Variants in RPTOR observed in about 807,000 individuals in gnomAD.
RPTOR encodes regulatory-associated protein of mTOR.
A neutral mutation model predicts 169.9 loss-of-function variants in RPTOR; 21 were observed. The ratio of observed to expected loss-of-function variants is 0.12; its 90% CI spans 0.09 to 0.18. The LOEUF (loss-of-function observed/expected upper bound fraction) is 0.18. Among genes scored for constraint, RPTOR ranks in the 10% least tolerant of loss-of-function variants. The pLI, the probability that RPTOR is intolerant of heterozygous loss-of-function variation, is 1.00. For missense variants in RPTOR, 1,133 were observed against 1,855.9 expected (o/e 0.61, Z 7.16); for synonymous variants, 732 against 753.2 (o/e 0.97, Z 0.46).
chr17:80,615,874 C>A (rs1008462435), intron 1 of RPTOR, among the ~76,000 whole-genome samples: 15 of 152,138 alleles, frequency 9.9e-5, no homozygotes, highest in Admixed American at 2.0e-4. Flanking sequence ...GCCCGGAGGC[C>A]TTTCTTCCAG....
chr17:80,585,555 C>T (rs1406452838), intron 1 of RPTOR, among the ~76,000 whole-genome samples: 1 of 152,302 alleles, frequency 6.6e-6, no homozygotes, highest in East Asian at 1.9e-4. Context: ...CTGCTGCACC[C>T]GTTAGGGTGG....
intron 11 of RPTOR, among the ~76,000 whole-genome samples, chr17:80,846,890 CT>C (rs1214129942): frequency 1.1e-4 from 16 of 152,228 alleles, no homozygotes; most frequent in African/African-American, 3.9e-4. Context: ...CATCATCCCC[CT>C]CTCCCCTGGC....
At chr17:80,764,377 G>A (rs990661806) in intron 6 of RPTOR, among the ~76,000 whole-genome samples, 4 of 140,554 alleles carry the variant, frequency 2.8e-5, no homozygotes, top group Non-Finnish European at 6.0e-5. Context: ...TGTTCTCATT[G>A]TTCAGTTCCC....
chr17:80,564,677 G>C (rs2084554406), intron 1 of RPTOR, among the ~76,000 whole-genome samples: 1 of 151,302 alleles, frequency 6.6e-6, no homozygotes, highest in Non-Finnish European at 1.5e-5. Flanking sequence ...TTTGTGTACA[G>C]ATTGTTTTGT....
At chr17:80,958,766 G>A (rs9908043) in intron 29 of RPTOR, among the ~76,000 whole-genome samples, 9,947 of 152,234 alleles carry the variant, frequency 0.065, 1,075 homozygotes, top group African/African-American at 0.22. Flanking sequence ...GACAAAAAGC[G>A]GAGTACATTG....
In RPTOR at chr17:80,634,686, ACTGTGTGCGTGTG is replaced by A. The variant is rs1452086183; in HGVS notation, c.265+8895_265+8907del. Among the ~76,000 whole-genome samples, 179 of 64,468 alleles carry A rather than the reference ACTGTGTGCGTGTG, an allele frequency of 2.8e-3. 7 individuals are homozygous for A. Among genetic ancestry groups the A allele is most frequent in the African/African-American group, 0.011 (166 of 15,052 alleles). 42.3% of individuals were successfully genotyped at this position (64,468 alleles called of 152,430 possible). ...GTGTGTGTGCGTACTGTGTGTGCGTACTGTGTGCGTGTGCGTACTGTGTGTGTGCGTACTGTGT... is the reference window on the plus strand; with the variant it reads ...GTGTGTGTGCGTACTGTGTGTGCGTACGTACTGTGTGTGTGCGTACTGTGT... On this transcript the variant is annotated intron_variant, in intron 2 of 33. Coordinates refer to ENST00000306801, the MANE Select transcript of RPTOR (RefSeq NM_020761.3).
At chr17:80,833,393 C>T (rs554585429) in intron 9 of RPTOR, among the ~76,000 whole-genome samples, 1 of 152,340 alleles carries the variant, frequency 6.6e-6, no homozygotes, top group South Asian at 2.1e-4. Flanking sequence ...CTCCAGCACT[C>T]CAGCCCTGCT....
chr17:80,747,019 A>G (rs1316911206), intron 5 of RPTOR, among the ~76,000 whole-genome samples: 4 of 152,144 alleles, frequency 2.6e-5, no homozygotes, highest in African/African-American at 7.2e-5. Context: ...GGAATTCGAG[A>G]CCAGCCTGGC....
At chr17:80,743,240 A>G in intron 5 of RPTOR, 1 of 985,466 alleles carries the variant, frequency 1.0e-6, no homozygotes, top group Non-Finnish European at 1.2e-6. Context: ...TCATTAGAGA[A>G]GTAAGCAGAA....
intron 1 of RPTOR, among the ~76,000 whole-genome samples, chr17:80,566,180 C>T (rs1382067498): frequency 4.6e-5 from 7 of 152,204 alleles, no homozygotes; most frequent in Admixed American, 1.3e-4. Flanking sequence ...TCCTGCATAG[C>T]GCAGCTGTAG....
chr17:80,552,344 C>T (rs1339573365), intron 1 of RPTOR, among the ~76,000 whole-genome samples: 1 of 152,204 alleles, frequency 6.6e-6, no homozygotes, highest in Non-Finnish European at 1.5e-5. Flanking sequence ...GCTTTTCTCT[C>T]TGATCTTTGC....
At chr17:80,771,649 G>T (rs2066844299) in intron 6 of RPTOR, among the ~76,000 whole-genome samples, 1 of 149,802 alleles carries the variant, frequency 6.7e-6, no homozygotes, top group Non-Finnish European at 1.5e-5. Flanking sequence ...GGTATCACCT[G>T]AGAGGCCTTA....
intron 3 of RPTOR, among the ~76,000 whole-genome samples, chr17:80,645,858 G>C (rs984137058): frequency 6.6e-6 from 1 of 152,168 alleles, no homozygotes; most frequent in African/African-American, 2.4e-5. Context: ...AGTTGTATTC[G>C]GACAGCGAGC....
Position 80,562,613 on chromosome 17 carries a change from G to A in RPTOR, c.162+16822G>A, listed in dbSNP as rs865873520. ...AGCCTGGCCAACATGGCGAAACCCC[G>A]TCTCTACTAAAAATACAGGAATTAT... On this transcript the variant is annotated intron_variant, in intron 1 of 33. Coordinates refer to ENST00000306801, the MANE Select transcript of RPTOR (RefSeq NM_020761.3). The surrounding 1 kb of genome is among the most constrained non-coding windows in gnomAD (Gnocchi z 4.4). 6.6e-6 allele frequency among the ~76,000 whole-genome samples: 1 copy of A among 152,060 alleles called. No homozygotes were observed. Among genetic ancestry groups the A allele is most frequent in the Non-Finnish European group, 1.5e-5 (1 of 68,004 alleles).
chr17:80,913,006 C>A (rs935069454), intron 21 of RPTOR, among the ~76,000 whole-genome samples: 1 of 152,030 alleles, frequency 6.6e-6, no homozygotes, highest in Non-Finnish European at 1.5e-5. Context: ...GTGTGTGTGT[C>A]TGTGTGCGTG....
intron 1 of RPTOR, among the ~76,000 whole-genome samples, chr17:80,614,866 T>G (rs2065297394): frequency 1.3e-5 from 2 of 152,224 alleles, no homozygotes; most frequent in Admixed American, 6.5e-5. Flanking sequence ...TACTTGCGTG[T>G]GCTGTTGCCT....
At chr17:80,700,439 A>ATGGTGGTGGTGGTGATGGTGGTGG (rs2066076266) in intron 3 of RPTOR, among the ~76,000 whole-genome samples, 3 of 93,850 alleles carry the variant, frequency 3.2e-5, no homozygotes, top group Admixed American at 2.0e-4. Flanking sequence ...GGTGGTTATG[A>ATGGTGGTGGTGGTGATGGTGGTGG]TGGTGGTGGT....
rs974027549 is a variant in RPTOR, at chr17:80,925,492, G to A, written c.2919+12G>A. ...AGCCCGTCATGAAGGTGCGCCCGGG[G>A]TGTGGGGTTCAGAGTAGAGTCCTAG... On this transcript the variant is annotated intron_variant, in intron 24 of 33. Coordinates refer to ENST00000306801, the MANE Select transcript of RPTOR (RefSeq NM_020761.3). The A allele has an allele frequency of 1.2e-6, 2 of 1,606,394 alleles. No homozygotes were observed. The highest frequency in any genetic ancestry group is 1.1e-5 in the South Asian group (1 of 90,922).
chr17:80,699,846 C>T (rs2066069542), intron 3 of RPTOR, among the ~76,000 whole-genome samples: 1 of 149,394 alleles, frequency 6.7e-6, no homozygotes, highest in African/African-American at 2.5e-5. Flanking sequence ...GTGCACGGTA[C>T]CCTGGTACAG....
Sources: gnomAD v4.1 joint callset for allele counts (sites outside exome capture counted in the v4.1 genomes callset) on GRCh38, gnomAD v4.1.1 for gene constraint, Gnocchi (gnomAD v3.1) non-coding constraint, MANE v1.5 for transcripts, NCBI Gene and HGNC (gene_info 2026-07-23, HGNC 2026-07-21) for gene names.